Variants in ZGPAT observed in about 807,000 individuals in gnomAD.
ZGPAT encodes zinc finger CCCH-type and G-patch domain containing.
ZGPAT carries 39 observed loss-of-function variants against 47.9 expected under a neutral mutation model. That is an observed-to-expected ratio of 0.81 (90% confidence interval 0.63 to 1.06). The LOEUF is 1.06. Ranked by LOEUF, ZGPAT falls within the 50% of genes least tolerant of loss-of-function variation. The probability of loss-of-function intolerance (pLI) is 0.00; values close to 1 mark genes in which losing one functional copy is unlikely to be tolerated. For missense variants in ZGPAT, 717 were observed against 681.4 expected (o/e 1.05, Z -0.58); for synonymous variants, 348 against 292.9 (o/e 1.19, Z -1.92).
chr20:63,724,382 A>AAG (rs2091821997), intron 2 of ZGPAT, among the ~76,000 whole-genome samples: 1 of 133,784 alleles, frequency 7.5e-6, no homozygotes, highest in South Asian at 2.4e-4. Flanking sequence ...AAAAAAAAAG[A>AAG]AAAGAAAAGA....
chr20:63,710,501 T>C (rs934132413), intron 2 of ZGPAT, among the ~76,000 whole-genome samples: 5 of 152,214 alleles, frequency 3.3e-5, no homozygotes, highest in Non-Finnish European at 7.3e-5. Flanking sequence ...TTTACTTTCA[T>C]GGAGATTTTC....
At chr20:63,728,588 G>C (rs2091866986) in intron 2 of ZGPAT, among the ~76,000 whole-genome samples, 1 of 152,210 alleles carries the variant, frequency 6.6e-6, no homozygotes, top group Non-Finnish European at 1.5e-5. Context: ...CCCTTCCTGG[G>C]AGAGCTGAGC....
At chr20:63,713,994 CAT>C (rs995889238) in intron 2 of ZGPAT, among the ~76,000 whole-genome samples, 4 of 151,796 alleles carry the variant, frequency 2.6e-5, no homozygotes, top group African/African-American at 7.3e-5. Flanking sequence ...TATATACAAT[CAT>C]ATATATTCAA....
intron 2 of ZGPAT, among the ~76,000 whole-genome samples, chr20:63,727,744 C>T (rs2091859999): frequency 6.7e-6 from 1 of 149,300 alleles, no homozygotes; most frequent in Non-Finnish European, 1.5e-5. Flanking sequence ...ATTATTTGAA[C>T]ATACTTATAG....
At chr20:63,732,999 TATATGTGC>T (rs1187380675) in intron 2 of ZGPAT, among the ~76,000 whole-genome samples, 1 of 151,580 alleles carries the variant, frequency 6.6e-6, no homozygotes, top group Non-Finnish European at 1.5e-5. Context: ...TGTGCGTGTG[TATATGTGC>T]ATGTGTGTAT....
chr20:63,722,765 TG>T, intron 2 of ZGPAT, among the ~76,000 whole-genome samples: 1 of 152,154 alleles, frequency 6.6e-6, no homozygotes, highest in Admixed American at 6.6e-5. Context: ...CCTGAGTAGC[TG>T]GGACTACAGG....
chr20:63,717,327 C>CTTTTCT (rs2081361701), intron 2 of ZGPAT, among the ~76,000 whole-genome samples: 1 of 93,474 alleles, frequency 1.1e-5, no homozygotes, highest in African/African-American at 4.0e-5. Flanking sequence ...TCTCTTTTTT[C>CTTTTCT]TTTTCTTTTT....
chr20:63,733,206 GCT>G lies in ZGPAT; in HGVS notation c.585-10_585-9del. ...CCATGTCTGAGCCCTGCCCCTTACG[GCT>G]CTGTCTGCAGGTTCTCCCATGGGCA... is the stretch of plus-strand genomic sequence containing the variant. On this transcript the variant is annotated splice_polypyrimidine_tract_variant and intron_variant, in intron 2 of 6. Transcript: ENST00000355969. The G allele has an allele frequency of 1.9e-6, 3 of 1,611,884 alleles. No individual in the cohort carries two copies. Among genetic ancestry groups the G allele is most frequent in the Non-Finnish European group, 2.5e-6 (3 of 1,178,512 alleles).
chr20:63,714,559 G>C (rs1036022376), intron 2 of ZGPAT, among the ~76,000 whole-genome samples: 5 of 151,890 alleles, frequency 3.3e-5, no homozygotes, highest in Admixed American at 3.3e-4. Flanking sequence ...GATGTTACTT[G>C]TAGGTTTTCT....
At chr20:63,710,802 G>A (rs896572767) in intron 2 of ZGPAT, among the ~76,000 whole-genome samples, 1 of 152,112 alleles carries the variant, frequency 6.6e-6, no homozygotes, top group African/African-American at 2.4e-5. Context: ...TGTCATAATA[G>A]GTAACACATT....
chr20:63,716,175 G>A (rs1292568325), intron 2 of ZGPAT, among the ~76,000 whole-genome samples: 6 of 152,004 alleles, frequency 3.9e-5, no homozygotes, highest in African/African-American at 7.3e-5. Flanking sequence ...GACTACAGGC[G>A]CACGCCAGCA....
chr20:63,708,622 T>G lies in ZGPAT; in HGVS notation c.42T>G (p.Arg14=), dbSNP rs773069033. The change falls in exon 2 of 7, where the codon CGT becomes CGG. Residue 14 remains arginine, a synonymous_variant. Coordinates refer to ENST00000355969, the MANE Select transcript of ZGPAT (RefSeq NM_181485.3). ...ESLESALQTY[R]AQLQQVELAL... is the part of the protein sequence containing the mutation. ...TGGAGTCGGCCTTGCAGACCTACCG[T>G]GCGCAGCTGCAGCAGGTGGAGCTGG... 6.2e-6 allele frequency: 10 copies of G among 1,610,906 alleles called. No homozygotes were observed. The Admixed American group carries it at 1.7e-4, about 27-fold the overall frequency.
Position 63,708,889 on chromosome 20 carries a change from C to A in ZGPAT, c.309C>A (p.Thr103=), listed in dbSNP as rs763164963. 1 of 1,612,128 alleles carries A rather than the reference C, an allele frequency of 6.2e-7. No homozygotes were observed. Among genetic ancestry groups the A allele is most frequent in the East Asian group, 2.2e-5 (1 of 44,872 alleles). ...CGGCCCGTGGGTCCGGATCAGAGAC[C>A]GTTCCTAAAGCAGAGGCGGGGCCAG... The part of the protein sequence containing the change: ...PAAARGSGSE[T]VPKAEAGPES... Residue 103 remains threonine (T), a synonymous_variant, in exon 2 of 7, where the codon ACC becomes ACA. Coordinates refer to ENST00000355969, the MANE Select transcript of ZGPAT (RefSeq NM_181485.3).
At chr20:63,733,784 A>G (rs372902029) in intron 4 of ZGPAT, 45 bp downstream of exon 4, 134 of 1,570,822 alleles carry the variant, frequency 8.5e-5, no homozygotes, top group Non-Finnish European at 9.7e-5. Flanking sequence ...AGGTGGGGTC[A>G]CCCTGAGAGG....
At chr20:63,713,342 T>C (rs35201382) in intron 2 of ZGPAT, among the ~76,000 whole-genome samples, 31,811 of 151,584 alleles carry the variant, frequency 0.21, 4,047 homozygotes, top group East Asian at 0.62. Flanking sequence ...ACCATTCTTC[T>C]GCCTCAGCCT....
chr20:63,715,241 T>C (rs2091714553), intron 2 of ZGPAT, among the ~76,000 whole-genome samples: 4 of 142,152 alleles, frequency 2.8e-5, no homozygotes, highest in Non-Finnish European at 6.2e-5. Context: ...CTTTTTTCTT[T>C]TTCTTTTTTT....
chr20:63,735,137 T>C (rs1218647432), intron 5 of ZGPAT, 22 bp from the exon 6 acceptor site: 11 of 1,498,820 alleles, frequency 7.3e-6, no homozygotes, highest in Non-Finnish European at 8.9e-6. Flanking sequence ...GCCACAGCAC[T>C]GCCATCCCCG....
At position 63,724,123 on chromosome 20, in the gene ZGPAT, T is replaced by C. The variant is rs1228196549; in HGVS notation, c.585-9096T>C. Among the ~76,000 whole-genome samples the C allele has an allele frequency of 3.9e-5, 6 of 152,180 alleles. No homozygotes were observed. The East Asian group carries it at 1.2e-3, about 29-fold the overall frequency. On this transcript the variant is annotated intron_variant, in intron 2 of 6. Coordinates refer to ENST00000355969, the MANE Select transcript of ZGPAT (RefSeq NM_181485.3). The stretch of plus-strand genomic sequence containing the variant: ...GCTTTTATCTCTAATCCCAGCACTT[T>C]GGGAGGCTGAGGTGAGTGGATCACC...
intron 2 of ZGPAT, among the ~76,000 whole-genome samples, chr20:63,718,389 G>A (rs773254062): frequency 3.3e-5 from 5 of 151,474 alleles, no homozygotes; most frequent in Non-Finnish European, 7.4e-5. Context: ...GGAGAATGGT[G>A]GTGCACAATC....
Sources: gnomAD v4.1 joint callset for allele counts (sites outside exome capture counted in the v4.1 genomes callset) on GRCh38, gnomAD v4.1.1 for gene constraint, MANE v1.5 for transcripts, NCBI Gene and HGNC (gene_info 2026-07-23, HGNC 2026-07-21) for gene names.